MEIS2: variants seen among roughly 807,000 people sequenced by gnomAD.
MEIS2 encodes the protein Meis homeobox 2, also known as homeobox protein Meis2.
In MEIS2, 9 loss-of-function variants were observed where a neutral mutation model predicts 58.6. That is an observed-to-expected ratio of 0.15 (90% CI 0.09 to 0.27). The LOEUF (loss-of-function observed/expected upper bound fraction) is 0.27. Among genes scored for constraint, MEIS2 ranks in the 10% least tolerant of loss-of-function variants. The probability of loss-of-function intolerance (pLI) is 1.00; values close to 1 mark genes in which losing one functional copy is unlikely to be tolerated. For synonymous variants in MEIS2, 221 were observed against 228.4 expected, an observed-to-expected ratio of 0.97 and a Z score of 0.29; for missense variants, 427 against 635.0, an observed-to-expected ratio of 0.67 and a Z score of 3.52.
intron 8 of MEIS2, among the ~76,000 whole-genome samples, chr15:36,965,743 G>T (rs938150480): frequency 2.0e-5 from 3 of 152,132 alleles, no homozygotes; most frequent in Admixed American, 6.5e-5. Flanking sequence ...AAGAGAGTTG[G>T]GGATCTAGAA....
At chr15:37,008,723 A>T (rs1172450403) in intron 8 of MEIS2, among the ~76,000 whole-genome samples, 1 of 152,222 alleles carries the variant, frequency 6.6e-6, no homozygotes, top group African/African-American at 2.4e-5. Context: ...TGGAGCAGGC[A>T]TTAAAGTTAT....
At chr15:36,942,415 C>T (rs1328701984) in intron 9 of MEIS2, among the ~76,000 whole-genome samples, 6 of 152,084 alleles carry the variant, frequency 3.9e-5, no homozygotes, top group Admixed American at 1.3e-4. Context: ...TTCTGAGTGT[C>T]GCGAATTGGG....
intron 8 of MEIS2, among the ~76,000 whole-genome samples, chr15:37,000,268 T>C (rs1221708899): frequency 6.6e-6 from 1 of 152,180 alleles, no homozygotes; most frequent in Non-Finnish European, 1.5e-5. Context: ...CTGCTGCTTT[T>C]AGGAGCCACT....
intron 9 of MEIS2, among the ~76,000 whole-genome samples, chr15:36,910,709 C>A (rs1239907107): frequency 1.3e-5 from 2 of 152,096 alleles, no homozygotes; most frequent in Non-Finnish European, 2.9e-5. Flanking sequence ...AATATGACAC[C>A]TTGACCCCTA....
intron 9 of MEIS2, among the ~76,000 whole-genome samples, chr15:36,922,457 A>G (rs558177149): frequency 6.7e-6 from 1 of 149,156 alleles, no homozygotes; most frequent in Non-Finnish European, 1.5e-5. Context: ...CGTTTTAACT[A>G]CTAAGATCCT....
intron 8 of MEIS2, among the ~76,000 whole-genome samples, chr15:36,952,607 C>CTCTCTGTGTGTGTGTGTG (rs1490440825): frequency 3.6e-5 from 5 of 139,994 alleles, no homozygotes; most frequent in East Asian, 2.1e-4. Flanking sequence ...GTCTCTCTCT[C>CTCTCTGTGTGTGTGTGTG]TGTGTGTGTG....
chr15:36,975,019 G>A (rs139324178), intron 8 of MEIS2, among the ~76,000 whole-genome samples: 1 of 152,252 alleles, frequency 6.6e-6, no homozygotes, highest in East Asian at 1.9e-4. Context: ...GCAAGCACCT[G>A]GGGAATTAAT....
intron 7 of MEIS2, among the ~76,000 whole-genome samples, chr15:37,037,649 T>C (rs1457027406): frequency 1.3e-5 from 2 of 152,236 alleles, no homozygotes; most frequent in Non-Finnish European, 2.9e-5. Context: ...TTAGCAAAAA[T>C]CATTTACTTT....
chr15:37,006,149 AT>A (rs2060914608), intron 8 of MEIS2, among the ~76,000 whole-genome samples: 1 of 152,134 alleles, frequency 6.6e-6, no homozygotes, highest in East Asian at 1.9e-4. Context: ...TTTTTGCACT[AT>A]TTGGACCACT....
chr15:37,023,437 A>G (rs1282375409), intron 8 of MEIS2, among the ~76,000 whole-genome samples: 1 of 152,040 alleles, frequency 6.6e-6, no homozygotes, highest in Non-Finnish European at 1.5e-5. Context: ...AAGCTCCCTC[A>G]TTTTTCTTTT....
intron 7 of MEIS2, among the ~76,000 whole-genome samples, chr15:37,059,872 T>C (rs1427896505): frequency 6.6e-6 from 1 of 151,768 alleles, no homozygotes; most frequent in Non-Finnish European, 1.5e-5. Context: ...GCCTGGGAGG[T>C]GGAGGTTGCA....
intron 7 of MEIS2, among the ~76,000 whole-genome samples, chr15:37,052,697 T>C (rs1300817083): frequency 6.6e-6 from 1 of 152,224 alleles, no homozygotes; most frequent in Admixed American, 6.5e-5. Flanking sequence ...ATTCTCTTTT[T>C]CCTTCCTTCT....
intron 7 of MEIS2, among the ~76,000 whole-genome samples, chr15:37,042,611 T>C (rs143980160): frequency 9.8e-5 from 15 of 152,314 alleles, no homozygotes; most frequent in African/African-American, 3.1e-4. Flanking sequence ...AACACTGTTA[T>C]CAATGGCAGA....
intron 8 of MEIS2, among the ~76,000 whole-genome samples, chr15:36,967,960 C>T (rs2059410772): frequency 6.6e-6 from 1 of 152,222 alleles, no homozygotes; most frequent in Admixed American, 6.5e-5. Flanking sequence ...TCCCCTAGCC[C>T]TCTCTATTGC....
intron 8 of MEIS2, among the ~76,000 whole-genome samples, chr15:36,978,278 A>T (rs558872730): frequency 5.3e-4 from 81 of 152,356 alleles, no homozygotes; most frequent in African/African-American, 1.9e-3. Context: ...ACTGTGTGTT[A>T]GGTGATTTAC....
chr15:36,920,125 T>C (rs938540278), intron 9 of MEIS2, among the ~76,000 whole-genome samples: 127 of 135,816 alleles, frequency 9.4e-4, no homozygotes, highest in East Asian at 2.6e-3. Context: ...TGCTTTTATT[T>C]ATTTATTTAT....
intron 9 of MEIS2, among the ~76,000 whole-genome samples, chr15:36,913,288 A>G (rs1309295315): frequency 1.3e-5 from 2 of 152,196 alleles, no homozygotes; most frequent in Non-Finnish European, 2.9e-5. Context: ...ATATTTTTAT[A>G]TTTTAAAAAA....
intron 8 of MEIS2, among the ~76,000 whole-genome samples, chr15:36,955,019 C>G (rs2058907467): frequency 6.6e-6 from 1 of 152,152 alleles, no homozygotes; most frequent in African/African-American, 2.4e-5. Flanking sequence ...TGATCTAGGA[C>G]TATGCTTACT....
At chr15:37,073,859 C>T (rs571761149) in intron 7 of MEIS2, among the ~76,000 whole-genome samples, 128 of 152,066 alleles carry the variant, frequency 8.4e-4, no homozygotes, top group Admixed American at 3.1e-3. Flanking sequence ...AGTCATATCT[C>T]CAGCTGGAAG....
Sources: allele counts gnomAD v4.1 joint callset (sites outside exome capture counted in the v4.1 genomes callset), GRCh38; gene constraint gnomAD v4.1.1; transcripts MANE v1.5; gene names NCBI Gene and HGNC (gene_info 2026-07-23, HGNC 2026-07-21).